The following ACACA variants were observed in gnomAD, a reference collection of about 807,000 sequenced individuals.
ACACA encodes acetyl-CoA carboxylase alpha.
In ACACA, 103 loss-of-function variants were observed where a neutral mutation model predicts 296.1. That is an observed-to-expected ratio of 0.35 (90% CI 0.30 to 0.41). ACACA has a LOEUF of 0.41. Ranked by LOEUF, ACACA falls within the 10% of genes least tolerant of loss-of-function variation. The probability of loss-of-function intolerance (pLI) is 1.00; values close to 1 mark genes in which losing one functional copy is unlikely to be tolerated. For missense variants in ACACA, 1,554 were observed against 2,989.7 expected, an observed-to-expected ratio of 0.52 and a Z score of 11.20; for synonymous variants, 953 against 1,038.6, an observed-to-expected ratio of 0.92 and a Z score of 1.58.
At chr17:37,301,664 T>C (rs1422103180) in intron 3 of ACACA, among the ~76,000 whole-genome samples, 1 of 152,248 alleles carries the variant, frequency 6.6e-6, no homozygotes, top group Admixed American at 6.5e-5. Flanking sequence ...CATTGACCTA[T>C]ATGCCTAGCC....
At chr17:37,359,500 C>T (rs2049315850) in intron 1 of ACACA, among the ~76,000 whole-genome samples, 1 of 152,038 alleles carries the variant, frequency 6.6e-6, no homozygotes, top group East Asian at 1.9e-4. Context: ...CAGCCGGGTA[C>T]GGGGCCAACC....
intron 9 of ACACA, 116 bp downstream of exon 9, chr17:37,274,077 G>C: frequency 1.2e-6 from 1 of 850,766 alleles, no homozygotes; most frequent in Non-Finnish European, 2.0e-6. Context: ...ACACCTCCTG[G>C]TCTTACATCC....
At chr17:37,371,607 A>C (rs2049808548) in intron 1 of ACACA, among the ~76,000 whole-genome samples, 1 of 152,128 alleles carries the variant, frequency 6.6e-6, no homozygotes, top group African/African-American at 2.4e-5. Context: ...CCACAATTAA[A>C]AAACGGCCGC....
Position 37,308,766 on chromosome 17 carries a change from T to G in ACACA, c.338+21407A>C, listed in dbSNP as rs534300797. Among the ~76,000 whole-genome samples, 3 of 152,222 alleles carry G rather than the reference T, an allele frequency of 2.0e-5. No individual in the cohort carries two copies. In the East Asian group the frequency reaches 5.8e-4, roughly 29 times the overall value. On this transcript the variant is annotated intron_variant, in intron 3 of 55. Transcript: ENST00000616317. ...CAGCCTGGGTAATATGGTGAAACAC[T>G]GCCTCTACTAAAAATACAAAAATTA... is the stretch of plus-strand genomic sequence containing the variant.
Position 37,406,366 on chromosome 17 carries a change from G to A in ACACA, c.-67C>T, listed in dbSNP as rs2051510156. On this transcript the variant is annotated 5_prime_UTR_variant, in exon 1 of 56. Transcript: ENST00000616317. ...AGAGGGGATGGTTCTTTCCAAAGAA[G>A]ACAATTTCGACGTTCCAGGAGCATC... is the stretch of plus-strand genomic sequence containing the variant. 1 of 1,554,422 alleles carries A rather than the reference G, an allele frequency of 6.4e-7. No individual in the cohort carries two copies. Among genetic ancestry groups the A allele is most frequent in the Non-Finnish European group, 8.9e-7 (1 of 1,125,890 alleles).
intron 2 of ACACA, among the ~76,000 whole-genome samples, chr17:37,333,938 G>A (rs1006148939): frequency 3.3e-5 from 5 of 151,662 alleles, no homozygotes; most frequent in African/African-American, 9.7e-5. Flanking sequence ...GGTAATAAAC[G>A]TTCATGAAAT....
At chr17:37,114,491 G>A (rs1182735747) in intron 50 of ACACA, among the ~76,000 whole-genome samples, 1 of 148,580 alleles carries the variant, frequency 6.7e-6, no homozygotes, top group African/African-American at 2.5e-5. Context: ...TGATCATGCT[G>A]CTGTACTCCA....
At chr17:37,322,742 A>G (rs568236657) in intron 3 of ACACA, among the ~76,000 whole-genome samples, 53 of 152,246 alleles carry the variant, frequency 3.5e-4, no homozygotes, top group Admixed American at 1.4e-3. Flanking sequence ...CAAGGCAGAG[A>G]AAGAGAGGAG....
intron 30 of ACACA, among the ~76,000 whole-genome samples, chr17:37,209,066 T>C (rs986903865): frequency 9.2e-5 from 14 of 152,252 alleles, no homozygotes; most frequent in African/African-American, 3.4e-4. Flanking sequence ...CAGGTTTTTA[T>C]TCCTTTGGCG....
intron 4 of ACACA, among the ~76,000 whole-genome samples, chr17:37,284,324 C>G (rs1458149832): frequency 6.6e-6 from 1 of 152,190 alleles, no homozygotes; most frequent in Non-Finnish European, 1.5e-5. Context: ...TCTCTCTACT[C>G]CCTTAGCTTT....
At chr17:37,090,315 G>A (rs916976359) in intron 54 of ACACA, among the ~76,000 whole-genome samples, 4 of 152,196 alleles carry the variant, frequency 2.6e-5, no homozygotes, top group Non-Finnish European at 5.9e-5. Context: ...ACTTAGTTGT[G>A]ACTGGTTATT....
chr17:37,403,080 G>A (rs530434809), intron 1 of ACACA, among the ~76,000 whole-genome samples: 3 of 152,316 alleles, frequency 2.0e-5, no homozygotes, highest in Admixed American at 6.5e-5. Flanking sequence ...CTCAAGGTCT[G>A]TCTAGGTAAG....
chr17:37,194,277 CAG>C (rs2077891145), intron 35 of ACACA, among the ~76,000 whole-genome samples: 2 of 152,170 alleles, frequency 1.3e-5, no homozygotes, highest in East Asian at 1.9e-4. Flanking sequence ...CAGTACAAGG[CAG>C]AGAGACCGGG....
At chr17:37,225,490 C>T in intron 26 of ACACA, 1 of 228,434 alleles carries the variant, frequency 4.4e-6, no homozygotes, top group Non-Finnish European at 8.7e-6. Flanking sequence ...AAGGTAGATG[C>T]AGCAGAGCTA....
At chr17:37,182,383 C>T (rs1598093891) in intron 39 of ACACA, among the ~76,000 whole-genome samples, 1 of 151,816 alleles carries the variant, frequency 6.6e-6, no homozygotes, top group Non-Finnish European at 1.5e-5. Flanking sequence ...ATTTACTTCT[C>T]CTCAAGATGC....
At chr17:37,212,663 T>A (rs1394174840) in intron 29 of ACACA, among the ~76,000 whole-genome samples, 2 of 151,914 alleles carry the variant, frequency 1.3e-5, no homozygotes, top group Non-Finnish European at 2.9e-5. Context: ...CTTTTTCTTT[T>A]TTTAAGAAAT....
At position 37,300,669 on chromosome 17, in the gene ACACA, T is replaced by C. The variant is rs772857903; in HGVS notation, c.339-15699A>G. On this transcript the variant is annotated intron_variant, in intron 3 of 55. Transcript: ENST00000616317. ...GATAAATGATTACAACAAACAAACA[T>C]TGATCTGAAGGACATTCGGGCAACT... Among the ~76,000 whole-genome samples the C allele has an allele frequency of 2.6e-5, 4 of 152,152 alleles. No individual in the cohort carries two copies. In the East Asian group the frequency reaches 5.8e-4, roughly 22 times the overall value.
At position 37,321,495 on chromosome 17, in the gene ACACA, A is replaced by ATCTCAGCAC. The variant is rs2047352730; in HGVS notation, c.338+8669_338+8677dup. On this transcript the variant is annotated intron_variant, in intron 3 of 55. Transcript: ENST00000616317. Reference sequence around the variant, plus strand: ...CCGGGTGCGGTGGCTCACGTCTGTAATCTCAGCACTTTGGGAGGCTGAGGC... The same window carrying ATCTCAGCAC: ...CCGGGTGCGGTGGCTCACGTCTGTAATCTCAGCACTCTCAGCACTTTGGGAGGCTGAGGC... Among the ~76,000 whole-genome samples, 3 of 152,298 alleles carry ATCTCAGCAC rather than the reference A, an allele frequency of 2.0e-5. No individual in the cohort carries two copies. In the East Asian group the frequency reaches 5.8e-4, roughly 29 times the overall value.
chr17:37,285,377 T>A (rs961684724), intron 3 of ACACA, among the ~76,000 whole-genome samples: 3 of 152,198 alleles, frequency 2.0e-5, no homozygotes, highest in African/African-American at 7.2e-5. Flanking sequence ...CTCCACATTT[T>A]AAAACTGCCT....
Sources: gnomAD v4.1 joint callset for allele counts (sites outside exome capture counted in the v4.1 genomes callset) on GRCh38, gnomAD v4.1.1 for gene constraint, MANE v1.5 for transcripts, NCBI Gene and HGNC (gene_info 2026-07-23, HGNC 2026-07-21) for gene names.